FAM131A: variants seen among roughly 807,000 people sequenced by gnomAD.
FAM131A encodes the protein family with sequence similarity 131 member A, also known as protein FAM131A.
In FAM131A, 24 loss-of-function variants were observed where a neutral mutation model predicts 39.2. The observed-to-expected ratio is 0.61, with a 90% CI of 0.44 to 0.86. The LOEUF is 0.86. Ranked by LOEUF, FAM131A falls within the 40% of genes least tolerant of loss-of-function variation. FAM131A has a pLI of 0.00. For synonymous variants in FAM131A, 202 were observed against 206.8 expected (o/e 0.98, Z 0.20); for missense variants, 373 against 481.2 (o/e 0.78, Z 2.10).
chr3:184,340,770 T>C (rs1193383417), intron 2 of FAM131A: 1 of 152,184 alleles, frequency 6.6e-6, no homozygotes, highest in Non-Finnish European at 1.5e-5. Flanking sequence ...AAAGAGACCA[T>C]TATTACTCAC....
chr3:184,338,289 G>T (rs1042395890), intron 1 of FAM131A, 98 bp from the exon 2 acceptor site: 14 of 1,285,460 alleles, frequency 1.1e-5, no homozygotes, highest in Non-Finnish European at 1.4e-5. Context: ...TCTGGAAGGT[G>T]GGGGAGGGGC....
In FAM131A at chr3:184,345,072, C is replaced by T; in HGVS notation, c.*102C>T. On this transcript the variant is annotated 3_prime_UTR_variant, in exon 6 of 6. Transcript: ENST00000383847. Reference sequence around the variant, plus strand: ...CAAGGCTCCCAGCAGAGCTCCACAGCCTAGAGGGCTCCTGGGAGCGCTCGC... The same window carrying T: ...CAAGGCTCCCAGCAGAGCTCCACAGTCTAGAGGGCTCCTGGGAGCGCTCGC... 1 of 1,135,630 alleles carries T rather than the reference C, an allele frequency of 8.8e-7. No homozygotes were observed. Among genetic ancestry groups the T allele is most frequent in the Non-Finnish European group, 1.2e-6 (1 of 826,770 alleles). The allele number at this position is 1,135,630 out of a possible 1,614,324, so 70.3% of individuals were successfully genotyped here.
chr3:184,343,143 A>AT (rs5855023), intron 5 of FAM131A: 1 of 275,102 alleles, frequency 3.6e-6, no homozygotes, highest in African/African-American at 2.2e-5. Context: ...AAAAAAAAAA[A>AT]GCCGAAAGAC....
intron 1 of FAM131A, among the ~76,000 whole-genome samples, chr3:184,338,031 G>C (rs141413952): frequency 0.011 from 1,676 of 152,202 alleles, 27 homozygotes; most frequent in African/African-American, 0.038. Context: ...GGGTGGCGGT[G>C]GTGGGGGGGA....
In FAM131A at chr3:184,342,922, A is replaced by G; in HGVS notation, c.625+62A>G. ...ACCTGATAGACCTTGGCATTCTTTCAGAGCCACATCCAGAACACTCTCAGC... is the reference window on the plus strand; with the variant it reads ...ACCTGATAGACCTTGGCATTCTTTCGGAGCCACATCCAGAACACTCTCAGC... On this transcript the variant is annotated intron_variant, in intron 5 of 5. Coordinates refer to ENST00000383847, the MANE Select transcript of FAM131A (RefSeq NM_144635.5). The surrounding 1 kb of genome is among the most constrained non-coding windows in gnomAD (Gnocchi z 4.6). 7.1e-7 allele frequency: 1 copy of G among 1,410,496 alleles called. No individual in the cohort carries two copies. The highest frequency in any genetic ancestry group is 2.3e-5 in the East Asian group (1 of 43,384). 87.4% of individuals were successfully genotyped at this position (1,410,496 alleles called of 1,614,324 possible).
rs1727451162 is a variant in FAM131A, at chr3:184,342,935, G to A, written c.625+75G>A. The stretch of plus-strand genomic sequence containing the variant: ...TGGCATTCTTTCAGAGCCACATCCA[G>A]AACACTCTCAGCCTTTGCAAGGGGA... On this transcript the variant is annotated intron_variant, in intron 5 of 5. Coordinates refer to ENST00000383847, the MANE Select transcript of FAM131A (RefSeq NM_144635.5). This position sits in a 1 kb window ranked among gnomAD's most constrained non-coding sequence, Gnocchi z 4.6. 1 of 1,307,108 alleles carries A rather than the reference G, an allele frequency of 7.7e-7. No homozygotes were observed. Among genetic ancestry groups the A allele is most frequent in the African/African-American group, 1.4e-5 (1 of 69,054 alleles). 81.0% of individuals were successfully genotyped at this position (1,307,108 alleles called of 1,614,324 possible). A position where few individuals can be genotyped will look rare whatever the true frequency, so the allele number is the denominator to read the frequency against.
chr3:184,344,420 G>A, intron 5 of FAM131A, 75 bp from the exon 6 acceptor site: 1 of 1,375,380 alleles, frequency 7.3e-7, no homozygotes, highest in Non-Finnish European at 9.9e-7. Context: ...GGGTGGAGTG[G>A]GGTGAATGTG....
At position 184,344,925 on chromosome 3, in the gene FAM131A, G is replaced by T; in HGVS notation, c.1056G>T (p.Gly352=). The T allele has an allele frequency of 6.2e-7, 1 of 1,602,462 alleles. No homozygotes were observed. Residue 352 remains glycine (G), a synonymous_variant, in exon 6 of 6, where the codon GGG becomes GGT. Coordinates refer to ENST00000383847, the MANE Select transcript of FAM131A (RefSeq NM_144635.5). ...QRQASDLASS[G]VVSLDEDEAE... is the part of the protein sequence containing the mutation. The stretch of plus-strand genomic sequence containing the variant: ...AAGCCTCTGACCTGGCCTCTTCTGG[G>T]GTGGTGTCCTTAGATGAGGATGAGG...
In FAM131A at chr3:184,342,802, T is replaced by C; in HGVS notation, c.567T>C (p.Asp189=). 6.2e-7 allele frequency: 1 copy of C among 1,614,040 alleles called. No homozygotes were observed. ...AGCTCCGAGCATGGTCTTCGGTGGATGGCGAGGACTCCACTGATGACTCCT... is the reference window on the plus strand; with the variant it reads ...AGCTCCGAGCATGGTCTTCGGTGGACGGCGAGGACTCCACTGATGACTCCT... ...EAKLRAWSSV[D]GEDSTDDSYD... The change falls in exon 5 of 6, where the codon GAT becomes GAC. Residue 189 remains aspartate, a synonymous_variant. Coordinates refer to ENST00000383847, the MANE Select transcript of FAM131A (RefSeq NM_144635.5). This position sits in a 1 kb window ranked among gnomAD's most constrained non-coding sequence, Gnocchi z 4.6.
chr3:184,341,928 T>G, intron 3 of FAM131A, 111 bp downstream of exon 3: 1 of 1,501,514 alleles, frequency 6.7e-7, no homozygotes, highest in South Asian at 1.1e-5. Flanking sequence ...CTTTCTTCCC[T>G]TGCTCAGGTG....
chr3:184,344,408 A>G, intron 5 of FAM131A, 87 bp from the exon 6 acceptor site: 1 of 1,289,236 alleles, frequency 7.8e-7, no homozygotes, highest in South Asian at 1.4e-5. Context: ...GAGCTATGCC[A>G]GGGGTGGAGT....
Position 184,341,794 on chromosome 3 carries a change from C to T in FAM131A, c.302C>T (p.Ala101Val), listed in dbSNP as rs187325668. The T allele has an allele frequency of 1.6e-3, 2,632 of 1,614,040 alleles. No homozygotes were observed. The highest frequency in any genetic ancestry group is 2.0e-3 in the Non-Finnish European group (2,413 of 1,180,030). ...GCCCTAACTATCCAGGAGATCGCTG[C>T]GCTGGCCAGGTCCTCCCTGCATGGT... The part of the protein sequence containing the change: ...RRALTIQEIA[A>V]LARSSLHGIS... The change falls in exon 3 of 6, where the codon GCG becomes GTG. Residue 101 changes from alanine to valine, a missense_variant. Coordinates refer to ENST00000383847, the MANE Select transcript of FAM131A (RefSeq NM_144635.5).
chr3:184,335,963 G>C (rs532565822), upstream of FAM131A: 10 of 152,376 alleles, frequency 6.6e-5, 1 homozygote, highest in East Asian at 1.9e-3. Context: ...AGCGGCGGCG[G>C]ACGCGCGGCT....
chr3:184,345,351 C>A lies in FAM131A; in HGVS notation c.*381C>A. 1 of 599,944 alleles carries A rather than the reference C, an allele frequency of 1.7e-6. No homozygotes were observed. Among genetic ancestry groups the A allele is most frequent in the East Asian group, 2.8e-5 (1 of 35,422 alleles). 37.2% of individuals were successfully genotyped at this position (599,944 alleles called of 1,614,324 possible). A position where few individuals can be genotyped will look rare whatever the true frequency, so the allele number is the denominator to read the frequency against. ...GTGGGGTGGGAGGGGGCCCAGCAAC[C>A]CCCCACCCTCCCCATGCCTCTCTCT... On this transcript the variant is annotated 3_prime_UTR_variant, in exon 6 of 6. Coordinates refer to ENST00000383847, the MANE Select transcript of FAM131A (RefSeq NM_144635.5).
chr3:184,339,704 C>A (rs1727288874), intron 2 of FAM131A: 1 of 152,414 alleles, frequency 6.6e-6, no homozygotes, highest in Non-Finnish European at 1.5e-5. Context: ...AGGTGATCCG[C>A]CTGCTTCGGC....
At position 184,345,275 on chromosome 3, in the gene FAM131A, C is replaced by T. The variant is rs1300262393; in HGVS notation, c.*305C>T. 1.6e-5 allele frequency: 9 copies of T among 575,700 alleles called. No homozygotes were observed. The East Asian group carries it at 2.7e-4, about 17-fold the overall frequency. 35.7% of individuals were successfully genotyped at this position (575,700 alleles called of 1,614,324 possible). ...TCTTAAAATGCCACACACACATTTC[C>T]TCCTCGGATAATGTGAACCACTAAG... On this transcript the variant is annotated 3_prime_UTR_variant, in exon 6 of 6. Coordinates refer to ENST00000383847, the MANE Select transcript of FAM131A (RefSeq NM_144635.5).
rs959729038 is a variant in FAM131A, at chr3:184,344,750, G to A, written c.881G>A (p.Arg294His). The A allele has an allele frequency of 3.1e-6, 5 of 1,612,108 alleles. No homozygotes were observed. The highest frequency in any genetic ancestry group is 3.4e-6 in the Non-Finnish European group (4 of 1,179,968). Residue 294 changes from arginine to histidine, a missense_variant, in exon 6 of 6, where the codon CGC (arginine) becomes CAC (histidine). By Grantham distance (29) the Arg-to-His change is conservative (BLOSUM62 0). Coordinates refer to ENST00000383847, the MANE Select transcript of FAM131A (RefSeq NM_144635.5). ...KLPPSRESAF[R>H]SLGPLEAQDS... The stretch of plus-strand genomic sequence containing the variant: ...CCCCCCAGCCGGGAAAGTGCCTTCC[G>A]CAGCCTGGGCCCACTGGAGGCCCAG...
intron 1 of FAM131A, among the ~76,000 whole-genome samples, 157 bp from the exon 2 acceptor site, chr3:184,338,230 G>A (rs1256805380): frequency 6.6e-6 from 1 of 152,094 alleles, no homozygotes; most frequent in Non-Finnish European, 1.5e-5. Context: ...AGTGATGTGT[G>A]GGATGGGGGC....
intron 2 of FAM131A, chr3:184,341,084 T>C (rs1178824924): frequency 1.9e-5 from 3 of 155,322 alleles, no homozygotes; most frequent in Non-Finnish European, 4.3e-5. Context: ...GCAATGGCAG[T>C]AGCAGTAGAA....
Sources: allele counts gnomAD v4.1 joint callset (sites outside exome capture counted in the v4.1 genomes callset), GRCh38; gene constraint gnomAD v4.1.1; non-coding constraint Gnocchi (gnomAD v3.1); transcripts MANE v1.5; gene names NCBI Gene and HGNC (gene_info 2026-07-23, HGNC 2026-07-21).